The following COL4A4 variants were observed in gnomAD, a reference collection of about 807,000 sequenced individuals.
COL4A4 encodes the protein collagen alpha-4(IV) chain.
COL4A4 carries 105 observed loss-of-function variants against 192.9 expected under a neutral mutation model. The ratio of observed to expected loss-of-function variants is 0.54; its 90% CI spans 0.46 to 0.64. The LOEUF (loss-of-function observed/expected upper bound fraction) is 0.64. Ranked by LOEUF, COL4A4 falls within the 30% of genes least tolerant of loss-of-function variation. The probability of loss-of-function intolerance (pLI) is 0.00; values close to 1 mark genes in which losing one functional copy is unlikely to be tolerated. For missense variants in COL4A4, 1,967 were observed against 2,169.3 expected (o/e 0.91, Z 1.85); for synonymous variants, 762 against 769.9 (o/e 0.99, Z 0.17).
intron 31 of COL4A4, among the ~76,000 whole-genome samples, chr2:227,052,850 A>G (rs1974421932): frequency 6.6e-6 from 1 of 152,118 alleles, no homozygotes; most frequent in Non-Finnish European, 1.5e-5. Flanking sequence ...TCAATGTGGT[A>G]CCCCTCACAC....
At chr2:226,968,608 C>T in the COL4A4 span, among the ~76,000 whole-genome samples, 1 of 152,194 alleles carries the variant, frequency 6.6e-6, no homozygotes, top group Non-Finnish European at 1.5e-5. Flanking sequence ...GCCCACTTGA[C>T]ACACAAAAAA....
At position 227,012,223 on chromosome 2, in the gene COL4A4, G is replaced by A. The variant is rs536570392; in HGVS notation, c.4291C>T (p.Arg1431Cys). 60 of 1,614,014 alleles carry A rather than the reference G, an allele frequency of 3.7e-5. 1 individual carries two copies. Among genetic ancestry groups the A allele is most frequent in the Middle Eastern group, 3.3e-4 (2 of 6,062 alleles). ...CCGTCTTCTCCTGTGTCACCTTTACGTCCGGGAGGCCCAGGAGACCCAGGG... is the reference window on the plus strand; with the variant it reads ...CCGTCTTCTCCTGTGTCACCTTTACATCCGGGAGGCCCAGGAGACCCAGGG... ...GVPGSPGPPG[R>C]KGDTGEDGYP... Residue 1431 changes from arginine to cysteine, a missense_variant, in exon 45 of 48, where the codon CGT becomes TGT. Coordinates refer to ENST00000396625, the MANE Select transcript of COL4A4 (RefSeq NM_000092.5).
chr2:227,157,013 C>T (rs2064406818), intron 1 of COL4A4, among the ~76,000 whole-genome samples: 2 of 152,098 alleles, frequency 1.3e-5, no homozygotes, highest in African/African-American at 4.8e-5. Flanking sequence ...GGACACTATA[C>T]CAAGCCATAA....
At chr2:227,105,505 G>A (rs1042765645) in intron 12 of COL4A4, among the ~76,000 whole-genome samples, 1 of 151,924 alleles carries the variant, frequency 6.6e-6, no homozygotes, top group African/African-American at 2.4e-5. Context: ...ATCTCACTCT[G>A]GTTAGATTAG....
chr2:226,978,699 A>G, the COL4A4 span, among the ~76,000 whole-genome samples: 1 of 152,236 alleles, frequency 6.6e-6, no homozygotes, highest in Non-Finnish European at 1.5e-5. Flanking sequence ...TAGATTCACG[A>G]GTAATCACTA....
chr2:227,041,346 A>G (rs1193324446), intron 37 of COL4A4, among the ~76,000 whole-genome samples: 1 of 151,982 alleles, frequency 6.6e-6, no homozygotes, highest in Non-Finnish European at 1.5e-5. Context: ...ATTTGGCTAA[A>G]TGCCTTCAGA....
the COL4A4 span, among the ~76,000 whole-genome samples, chr2:226,978,758 G>A: frequency 1.3e-5 from 2 of 152,174 alleles, no homozygotes; most frequent in African/African-American, 4.8e-5. Context: ...GAGAGCTTCA[G>A]GCAAAGGACC....
Position 227,054,651 on chromosome 2 carries a change from G to T in COL4A4, c.2803C>A (p.Pro935Thr). The T allele has an allele frequency of 4.3e-6, 7 of 1,614,170 alleles. No homozygotes were observed. The South Asian group carries it at 6.6e-5, about 15-fold the overall frequency. Residue 935 changes from proline to threonine, a missense_variant, in exon 31 of 48, where the codon CCT becomes ACT. Physicochemically the swap from Pro to Thr is conservative, Grantham distance 38. Coordinates refer to ENST00000396625, the MANE Select transcript of COL4A4 (RefSeq NM_000092.5). ...AEGCPGAKGE[P>T]GEKGMSGLPG... is the part of the protein sequence containing the mutation. ...AGGCCAGACATGCCCTTCTCTCCAGGTTCTCCCTTTGCGCCAGGACATCCC... is the reference window on the plus strand; with the variant it reads ...AGGCCAGACATGCCCTTCTCTCCAGTTTCTCCCTTTGCGCCAGGACATCCC...
chr2:227,046,947 G>A (rs1416282869), intron 35 of COL4A4, among the ~76,000 whole-genome samples: 2 of 152,146 alleles, frequency 1.3e-5, no homozygotes, highest in Non-Finnish European at 2.9e-5. Context: ...TCTTGTTGGT[G>A]ATGAGGTTTA....
chr2:226,975,452 G>A, the COL4A4 span, among the ~76,000 whole-genome samples: 1 of 152,166 alleles, frequency 6.6e-6, no homozygotes, highest in Non-Finnish European at 1.5e-5. Context: ...GTGAGGGAGG[G>A]CCCCACTCCT....
At chr2:227,055,488 C>A (rs755249392) in intron 30 of COL4A4, among the ~76,000 whole-genome samples, 13 of 151,962 alleles carry the variant, frequency 8.6e-5, no homozygotes, top group African/African-American at 2.9e-4. Context: ...GAGCAAGCCT[C>A]TGTCTCCTAA....
chr2:227,098,482 T>TTACAGACA (rs1487523211), intron 19 of COL4A4, among the ~76,000 whole-genome samples: 1 of 152,232 alleles, frequency 6.6e-6, no homozygotes, highest in Non-Finnish European at 1.5e-5. Context: ...TGGCTATATG[T>TTACAGACA]TACAGACACA....
chr2:227,105,952 T>C (rs978634127), intron 12 of COL4A4, among the ~76,000 whole-genome samples: 10 of 152,112 alleles, frequency 6.6e-5, no homozygotes, highest in African/African-American at 2.4e-4. Context: ...GCTTCCCGTA[T>C]TGAGGGTAAC....
At chr2:227,134,674 T>C (rs2062696351) in intron 4 of COL4A4, among the ~76,000 whole-genome samples, 1 of 152,216 alleles carries the variant, frequency 6.6e-6, no homozygotes, top group Non-Finnish European at 1.5e-5. Context: ...CTTAGGAGTA[T>C]AAGGGATGAG....
intron 45 of COL4A4, 74 bp downstream of exon 45, chr2:227,012,107 T>G: frequency 8.1e-7 from 1 of 1,233,864 alleles, no homozygotes; most frequent in Non-Finnish European, 1.2e-6. Flanking sequence ...GAAAGCCACT[T>G]GAGAGATCAG....
At chr2:227,059,286 A>T (rs1256886535) in intron 28 of COL4A4, 119 bp downstream of exon 28, 1 of 886,290 alleles carries the variant, frequency 1.1e-6, no homozygotes, top group African/African-American at 1.6e-5. Flanking sequence ...GAGGGAAAAC[A>T]CTTGGGTAAA....
intron 18 of COL4A4, 91 bp downstream of exon 18, chr2:227,099,529 G>T (rs1431859050): frequency 2.6e-6 from 3 of 1,166,084 alleles, no homozygotes; most frequent in African/African-American, 1.5e-5. Flanking sequence ...TAGTGTGCAA[G>T]CTATGGAAAT....
chr2:227,099,546 C>T, intron 18 of COL4A4, 74 bp downstream of exon 18: 1 of 1,365,100 alleles, frequency 7.3e-7, no homozygotes, highest in Non-Finnish European at 1.0e-6. Context: ...AAATACTGGG[C>T]CAGACTCTTC....
chr2:227,117,760 G>A (rs1278381196), intron 7 of COL4A4, among the ~76,000 whole-genome samples: 5 of 151,822 alleles, frequency 3.3e-5, no homozygotes, highest in Non-Finnish European at 1.5e-5. Context: ...GGTAGCTCTT[G>A]CTCCAGTTAT....
Sources: gnomAD v4.1 joint callset for allele counts (sites outside exome capture counted in the v4.1 genomes callset) on GRCh38, gnomAD v4.1.1 for gene constraint, MANE v1.5 for transcripts, NCBI Gene and HGNC (gene_info 2026-07-23, HGNC 2026-07-21) for gene names.